Variants in XRCC5 observed in about 807,000 individuals in gnomAD.
XRCC5 encodes the protein DNA repair protein Ku80.
XRCC5 carries 12 observed loss-of-function variants against 95.7 expected under a neutral mutation model. That is an observed-to-expected ratio of 0.13 (90% CI 0.08 to 0.20). The LOEUF (loss-of-function observed/expected upper bound fraction) is 0.20, where lower values mean the gene tolerates loss of function less well. Among genes scored for constraint, XRCC5 ranks in the 10% least tolerant of loss-of-function variants. The pLI is 1.00. For synonymous variants in XRCC5, 281 were observed against 290.3 expected (o/e 0.97, Z 0.33); for missense variants, 595 against 873.9 (o/e 0.68, Z 4.02).
At position 216,185,167 on chromosome 2, in the gene XRCC5, G is replaced by A. The variant is rs143860116; in HGVS notation, c.1835-5058G>A. ...CAAGGGATGCTAAGGGTTTCTTGCT[G>A]TTACCAATCCCGGGGTTACAGCACC... is the stretch of plus-strand genomic sequence containing the variant. On this transcript the variant is annotated intron_variant, in intron 16 of 20. Coordinates refer to ENST00000392132, the MANE Select transcript of XRCC5 (RefSeq NM_021141.4). 9.2e-5 allele frequency among the ~76,000 whole-genome samples: 14 copies of A among 152,232 alleles called. No individual in the cohort carries two copies. The East Asian group carries it at 1.5e-3, about 17-fold the overall frequency.
chr2:216,197,016 A>T (rs1361161470), intron 19 of XRCC5, among the ~76,000 whole-genome samples: 1 of 152,236 alleles, frequency 6.6e-6, no homozygotes, highest in African/African-American at 2.4e-5. Flanking sequence ...GGAAGAAGTG[A>T]GGAGCCATGA....
chr2:216,121,382 G>A (rs530109920), intron 5 of XRCC5, among the ~76,000 whole-genome samples: 1 of 152,296 alleles, frequency 6.6e-6, no homozygotes, highest in South Asian at 2.1e-4. Flanking sequence ...TCACAGTTCT[G>A]GAGGCCGGGA....
chr2:216,115,119 T>G (rs1268972155), intron 2 of XRCC5, among the ~76,000 whole-genome samples: 1 of 152,232 alleles, frequency 6.6e-6, no homozygotes, highest in African/African-American at 2.4e-5. Flanking sequence ...ACTCTCACTT[T>G]GCTTAAAATA....
intron 10 of XRCC5, among the ~76,000 whole-genome samples, chr2:216,132,821 G>GT (rs957213987): frequency 4.7e-4 from 72 of 152,214 alleles, no homozygotes; most frequent in African/African-American, 1.6e-3. Flanking sequence ...TTTCAGGCTG[G>GT]TTTTTCTCTA....
At chr2:216,166,785 G>A (rs1051517321) in intron 16 of XRCC5, among the ~76,000 whole-genome samples, 2 of 152,026 alleles carry the variant, frequency 1.3e-5, no homozygotes, top group African/African-American at 4.8e-5. Context: ...CAATTCCTGC[G>A]CGATTATGTC....
chr2:216,126,513 A>G (rs941671777), intron 7 of XRCC5, among the ~76,000 whole-genome samples: 7 of 152,182 alleles, frequency 4.6e-5, no homozygotes, highest in African/African-American at 7.2e-5. Flanking sequence ...ATATATGTAC[A>G]TTTATATACA....
intron 16 of XRCC5, among the ~76,000 whole-genome samples, chr2:216,168,345 C>T (rs1689092252): frequency 6.6e-6 from 1 of 151,990 alleles, no homozygotes; most frequent in Non-Finnish European, 1.5e-5. Flanking sequence ...ACAGCACCAC[C>T]CTGAAGTTTA....
intron 16 of XRCC5, among the ~76,000 whole-genome samples, chr2:216,162,782 T>A (rs757846566): frequency 3.3e-4 from 51 of 152,362 alleles, no homozygotes; most frequent in Middle Eastern, 6.8e-3. Flanking sequence ...ACCTTGATGC[T>A]GCCCCTAAAT....
intron 12 of XRCC5, among the ~76,000 whole-genome samples, chr2:216,138,912 C>G (rs187191277): frequency 6.6e-6 from 1 of 152,100 alleles, no homozygotes; most frequent in African/African-American, 2.4e-5. Context: ...AGGTGAGTCT[C>G]GGAACTCAAT....
chr2:216,198,982 G>C (rs1689785064), intron 19 of XRCC5, among the ~76,000 whole-genome samples: 1 of 152,148 alleles, frequency 6.6e-6, no homozygotes, highest in South Asian at 2.1e-4. Flanking sequence ...GATTTCTTTT[G>C]GTTTTAATAG....
At chr2:216,110,863 C>T (rs1696577565) in intron 1 of XRCC5, among the ~76,000 whole-genome samples, 1 of 150,874 alleles carries the variant, frequency 6.6e-6, no homozygotes, top group Non-Finnish European at 1.5e-5. Context: ...TTACTGTTCT[C>T]AAAGGAATTT....
intron 16 of XRCC5, among the ~76,000 whole-genome samples, chr2:216,172,937 T>C (rs1184823857): frequency 6.6e-6 from 1 of 152,232 alleles, no homozygotes; most frequent in African/African-American, 2.4e-5. Flanking sequence ...TTTTATAGTT[T>C]TTAGTGTACA....
At chr2:216,148,444 C>G (rs1361196123) in intron 14 of XRCC5, among the ~76,000 whole-genome samples, 168 bp downstream of exon 14, 1 of 152,168 alleles carries the variant, frequency 6.6e-6, no homozygotes, top group Non-Finnish European at 1.5e-5. Context: ...TTATATCTGT[C>G]TGCTGTGATC....
intron 16 of XRCC5, among the ~76,000 whole-genome samples, chr2:216,163,491 T>C (rs908248212): frequency 1.6e-4 from 25 of 152,054 alleles, no homozygotes; most frequent in African/African-American, 5.8e-4. Flanking sequence ...GGTTTCGTTA[T>C]GTTGGCCAGG....
intron 8 of XRCC5, among the ~76,000 whole-genome samples, chr2:216,128,821 T>C (rs1432384486): frequency 6.6e-6 from 1 of 152,210 alleles, no homozygotes; most frequent in Non-Finnish European, 1.5e-5. Context: ...GCAGGCACTC[T>C]TTGTTATTTC....
intron 3 of XRCC5, 102 bp downstream of exon 3, chr2:216,116,944 T>C: frequency 1.5e-6 from 2 of 1,323,022 alleles, no homozygotes; most frequent in Non-Finnish European, 2.1e-6. Flanking sequence ...TATGAGTATA[T>C]GGGTATATTT....
intron 14 of XRCC5, among the ~76,000 whole-genome samples, chr2:216,154,547 C>T (rs1314272656): frequency 6.6e-6 from 1 of 152,164 alleles, no homozygotes; most frequent in African/African-American, 2.4e-5. Context: ...TTGTCTTACC[C>T]CTTTCCAATT....
In XRCC5 at chr2:216,166,546, C is replaced by T. The variant is rs527423295; in HGVS notation, c.1834+4498C>T. ...CCATCATCTGGGATTTGTTACCTGT[C>T]GTTGTGGGTTTCAGAGTCTCCAGAG... On this transcript the variant is annotated intron_variant, in intron 16 of 20. Coordinates refer to ENST00000392132, the MANE Select transcript of XRCC5 (RefSeq NM_021141.4). Among the ~76,000 whole-genome samples the T allele has an allele frequency of 3.2e-4, 48 of 152,256 alleles. 1 individual carries two copies. Among genetic ancestry groups the T allele is most frequent in the South Asian group, 1.7e-3 (8 of 4,826 alleles).
intron 1 of XRCC5, chr2:216,110,620 G>A (rs1386785197): frequency 6.6e-6 from 1 of 152,158 alleles, no homozygotes; most frequent in East Asian, 1.9e-4. Context: ...TGCCAGATAG[G>A]AACTCAGAAA....
Sources: gnomAD v4.1 joint callset for allele counts (sites outside exome capture counted in the v4.1 genomes callset) on GRCh38, gnomAD v4.1.1 for gene constraint, MANE v1.5 for transcripts, NCBI Gene and HGNC (gene_info 2026-07-23, HGNC 2026-07-21) for gene names.